The following CAMTA1 variants were observed in gnomAD, a reference collection of about 807,000 sequenced individuals.
CAMTA1 encodes calmodulin binding transcription activator 1.
In CAMTA1, 27 loss-of-function variants were observed where a neutral mutation model predicts 170.9. The observed-to-expected ratio is 0.16, with a 90% CI of 0.12 to 0.22. The LOEUF (loss-of-function observed/expected upper bound fraction) is 0.22. Among genes scored for constraint, CAMTA1 ranks in the 10% least tolerant of loss-of-function variants. The pLI is 1.00. For synonymous variants in CAMTA1, 833 were observed against 891.5 expected, an observed-to-expected ratio of 0.93 and a Z score of 1.17; for missense variants, 1,619 against 2,217.2, an observed-to-expected ratio of 0.73 and a Z score of 5.42.
At chr1:7,708,146 CATG>C (rs1473985489) in intron 11 of CAMTA1, among the ~76,000 whole-genome samples, 1 of 150,846 alleles carries the variant, frequency 6.6e-6, no homozygotes, top group Non-Finnish European at 1.5e-5. Flanking sequence ...GCCTGGGCAA[CATG>C]GAGAAACCCC....
intron 5 of CAMTA1, among the ~76,000 whole-genome samples, chr1:7,269,447 C>G (rs1009552471): frequency 2.0e-5 from 3 of 152,208 alleles, no homozygotes; most frequent in African/African-American, 7.2e-5. Context: ...GAAGTGACAT[C>G]TCATCATCTT....
intron 5 of CAMTA1, among the ~76,000 whole-genome samples, chr1:7,404,605 C>G (rs845203): frequency 0.15 from 23,016 of 151,922 alleles, 4,975 homozygotes; most frequent in African/African-American, 0.48. Context: ...TTTTGGGGAC[C>G]CTCTCCTCAG....
chr1:7,723,460 A>T lies in CAMTA1; in HGVS notation c.2915-8988A>T, dbSNP rs145987996. Among the ~76,000 whole-genome samples, 819 of 152,286 alleles carry T rather than the reference A, an allele frequency of 5.4e-3. 8 individuals are homozygous for T. The highest frequency in any genetic ancestry group is 0.018 in the African/African-American group (736 of 41,550). ...TAAATACATAAATAAATAAGGACAA[A>T]TCTTCCTTACAGGAGAACTCCAAAT... On this transcript the variant is annotated intron_variant, in intron 11 of 22. Transcript: ENST00000303635.
intron 6 of CAMTA1, among the ~76,000 whole-genome samples, chr1:7,493,270 CACAA>C (rs1204566606): frequency 3.7e-3 from 303 of 82,716 alleles, no homozygotes; most frequent in African/African-American, 0.023. Context: ...TACACACGCA[CACAA>C]ACATACACGC....
In CAMTA1 at chr1:7,640,663, C is replaced by A. The variant is rs1187216604; in HGVS notation, c.664+110C>A. ...CCTTGGGGATGCGGGTCCGGAGCCCCATCTTGCTGGAATGACAGTGGCACC... is the reference window on the plus strand; with the variant it reads ...CCTTGGGGATGCGGGTCCGGAGCCCAATCTTGCTGGAATGACAGTGGCACC... On this transcript the variant is annotated intron_variant, in intron 7 of 22. Coordinates refer to ENST00000303635, the MANE Select transcript of CAMTA1 (RefSeq NM_015215.4). 7.8e-6 allele frequency: 10 copies of A among 1,289,054 alleles called. No homozygotes were observed. In the East Asian group the frequency reaches 2.4e-4, roughly 31 times the overall value. The allele number at this position is 1,289,054 out of a possible 1,614,324, so 79.9% of individuals were successfully genotyped here. A position where few individuals can be genotyped will look rare whatever the true frequency, so the allele number is the denominator to read the frequency against.
intron 19 of CAMTA1, chr1:7,750,939 C>A: frequency 3.3e-6 from 2 of 613,014 alleles, no homozygotes; most frequent in Non-Finnish European, 6.0e-6. Context: ...TAAAATTTTT[C>A]TCCAAGAAGG....
At position 6,806,860 on chromosome 1, in the gene CAMTA1, G is replaced by C. The variant is rs1644570335; in HGVS notation, c.46-13321G>C. 2.7e-5 allele frequency: 11 copies of C among 403,206 alleles called. No individual in the cohort carries two copies. The East Asian group carries it at 3.9e-4, about 14-fold the overall frequency. The allele number at this position is 403,206 out of a possible 1,614,324, so 25.0% of individuals were successfully genotyped here. On this transcript the variant is annotated intron_variant, in intron 1 of 22. Transcript: ENST00000303635. ...AATTTATATAATTGTTATTATTACT[G>C]GAGGAATCAGAAGATATTTTAGGAC...
At chr1:7,381,667 C>A (rs957724189) in intron 5 of CAMTA1, among the ~76,000 whole-genome samples, 1 of 150,330 alleles carries the variant, frequency 6.7e-6, no homozygotes, top group Non-Finnish European at 1.5e-5. Flanking sequence ...TGGGTATATA[C>A]CCAGTAATGG....
intron 3 of CAMTA1, among the ~76,000 whole-genome samples, chr1:7,025,454 C>T (rs1001104743): frequency 2.6e-5 from 4 of 152,172 alleles, no homozygotes; most frequent in Admixed American, 2.0e-4. Flanking sequence ...CAAGAGACCA[C>T]CTATTTCTGG....
intron 3 of CAMTA1, among the ~76,000 whole-genome samples, chr1:6,993,432 T>G (rs1056675540): frequency 6.6e-6 from 1 of 152,196 alleles, no homozygotes; most frequent in African/African-American, 2.4e-5. Flanking sequence ...CTGAATTTAT[T>G]CCTAGGCATT....
chr1:6,941,438 G>A (rs557679271), intron 3 of CAMTA1, among the ~76,000 whole-genome samples: 22 of 152,314 alleles, frequency 1.4e-4, no homozygotes, highest in South Asian at 2.1e-4. Flanking sequence ...CAAGGAAGCC[G>A]TGACCGGGAG....
At chr1:7,172,306 C>T (rs188646191) in intron 4 of CAMTA1, among the ~76,000 whole-genome samples, 3 of 152,228 alleles carry the variant, frequency 2.0e-5, no homozygotes, top group Admixed American at 1.3e-4. Context: ...CCTGCCACCA[C>T]GCCCAGCTAA....
rs981022103 is a variant in CAMTA1 at position 7,547,527 on chromosome 1, G to T, written c.510+79626G>T. 2.0e-5 allele frequency among the ~76,000 whole-genome samples: 3 copies of T among 152,000 alleles called. No homozygotes were observed. Among genetic ancestry groups the T allele is most frequent in the Admixed American group, 2.0e-4 (3 of 15,244 alleles). On this transcript the variant is annotated intron_variant, in intron 6 of 22. Transcript: ENST00000303635. The surrounding 1 kb of genome is among the most constrained non-coding windows in gnomAD (Gnocchi z 5.7). The stretch of plus-strand genomic sequence containing the variant: ...TTATTCCCTAAATAAAACAGTATAA[G>T]AAATATTTACATAGCATTTACATTG...
chr1:6,786,506 G>T (rs1182207944), intron 1 of CAMTA1, among the ~76,000 whole-genome samples: 1 of 152,004 alleles, frequency 6.6e-6, no homozygotes, highest in African/African-American at 2.4e-5. Flanking sequence ...GACCCTTTTT[G>T]CCAGGACAAG....
At chr1:7,527,199 C>T (rs1487175790) in intron 6 of CAMTA1, among the ~76,000 whole-genome samples, 24 of 152,178 alleles carry the variant, frequency 1.6e-4, no homozygotes, top group Non-Finnish European at 1.5e-5. Context: ...ATACCCTAAC[C>T]CCATGAAGGA....
At chr1:7,103,975 A>G (rs1403376109) in intron 4 of CAMTA1, among the ~76,000 whole-genome samples, 2 of 151,814 alleles carry the variant, frequency 1.3e-5, no homozygotes, top group Non-Finnish European at 2.9e-5. Flanking sequence ...ACACACGCAC[A>G]CACAACACAC....
At chr1:7,135,272 C>A (rs995970044) in intron 4 of CAMTA1, among the ~76,000 whole-genome samples, 1 of 152,088 alleles carries the variant, frequency 6.6e-6, no homozygotes, top group Non-Finnish European at 1.5e-5. Flanking sequence ...TCTGTAATCC[C>A]AGCTACTTAG....
intron 3 of CAMTA1, among the ~76,000 whole-genome samples, chr1:6,847,765 G>A (rs549314333): frequency 1.3e-5 from 2 of 151,060 alleles, no homozygotes; most frequent in African/African-American, 2.4e-5. Context: ...GTACAGTGGC[G>A]GGATCTCTGC....
At chr1:6,928,561 CTGCCGT>C (rs1355991766) in intron 3 of CAMTA1, among the ~76,000 whole-genome samples, 1 of 152,156 alleles carries the variant, frequency 6.6e-6, no homozygotes, top group Non-Finnish European at 1.5e-5. Context: ...GGGAAGATGC[CTGCCGT>C]TGCCTGTTCC....
Sources: allele counts gnomAD v4.1 joint callset (sites outside exome capture counted in the v4.1 genomes callset), GRCh38; gene constraint gnomAD v4.1.1; non-coding constraint Gnocchi (gnomAD v3.1); transcripts MANE v1.5; gene names NCBI Gene and HGNC (gene_info 2026-07-23, HGNC 2026-07-21).